Variants in NHSL2 observed in about 807,000 individuals in gnomAD.
NHSL2 encodes NHS-like protein 2.
NHSL2 carries 27 observed loss-of-function variants against 53.4 expected under a neutral mutation model. That is an observed-to-expected ratio of 0.51 (90% CI 0.37 to 0.70). NHSL2 has a LOEUF of 0.70. Among genes scored for constraint, NHSL2 ranks in the 30% least tolerant of loss-of-function variants. NHSL2 has a pLI of 0.00. For missense variants in NHSL2, 892 were observed against 980.1 expected, an observed-to-expected ratio of 0.91 and a Z score of 1.20; for synonymous variants, 408 against 404.1, an observed-to-expected ratio of 1.01 and a Z score of -0.12.
chrX:72,130,807 T>C (rs777799126), intron 1 of NHSL2: 12 of 1,211,679 alleles, frequency 9.9e-6, no homozygotes, highest in Non-Finnish European at 1.3e-5. Context: ...GTGGCCCTGC[T>C]TGAGCTTGCG....
At chrX:71,979,787 T>G (rs922955741) in intron 1 of NHSL2, among the ~76,000 whole-genome samples, 14 of 111,618 alleles carry the variant, frequency 1.3e-4, no homozygotes, top group Admixed American at 1.9e-4. Context: ...TTGTCAATTT[T>G]GGCTTTTGTT....
At chrX:71,971,280 CT>C (rs2041923895) in intron 1 of NHSL2, among the ~76,000 whole-genome samples, 1 of 111,919 alleles carries the variant, frequency 8.9e-6, no homozygotes, top group Non-Finnish European at 1.9e-5. Context: ...GACACAGAAA[CT>C]TTATTTTTAT....
rs745579559 is a variant in NHSL2, at chrX:72,110,076, A to C, written c.281-22003A>C. Among the ~76,000 whole-genome samples, 355 of 111,467 alleles carry C rather than the reference A, an allele frequency of 3.2e-3. 3 individuals are homozygous for C. Among genetic ancestry groups the C allele is most frequent in the African/African-American group, 0.011 (346 of 30,599 alleles). On this transcript the variant is annotated intron_variant, in intron 1 of 7. Coordinates refer to ENST00000633930, the MANE Select transcript of NHSL2 (RefSeq NM_001013627.3). ...AAGGATGCCGGGAACAGAGGGGTGA[A>C]GTGCTTTTCTCTGGTCCCATATTTT...
intron 1 of NHSL2, among the ~76,000 whole-genome samples, chrX:71,951,417 G>A (rs1430612964): frequency 8.9e-6 from 1 of 111,979 alleles, no homozygotes; most frequent in Non-Finnish European, 1.9e-5. Context: ...GTAATCCTGT[G>A]TTTAATTTTT....
In NHSL2 at chrX:71,935,172, G is replaced by A. The variant is rs371920505; in HGVS notation, c.280+23805G>A. On this transcript the variant is annotated intron_variant, in intron 1 of 7. Transcript: ENST00000633930. ...CCTTCAGGGTCTCTTACATGGTCCT[G>A]TCACTATTTTTGTTTCTTATACAAA... 2.7e-5 allele frequency among the ~76,000 whole-genome samples: 3 copies of A among 111,762 alleles called. No homozygotes were observed. The East Asian group carries it at 8.4e-4, about 31-fold the overall frequency.
chrX:72,011,687 G>A (rs2042116784), intron 1 of NHSL2, among the ~76,000 whole-genome samples: 2 of 111,116 alleles, frequency 1.8e-5, no homozygotes, highest in Non-Finnish European at 3.8e-5. Flanking sequence ...AAACAAAACT[G>A]GCAAACTGTT....
chrX:72,141,008 T>A, intron 6 of NHSL2: 1 of 327,630 alleles, frequency 3.1e-6, no homozygotes, highest in Non-Finnish European at 5.5e-6. Flanking sequence ...CACTCTCCCC[T>A]CTAAATCTCT....
At chrX:71,965,445 T>C (rs763172336) in intron 1 of NHSL2, among the ~76,000 whole-genome samples, 1 of 112,660 alleles carries the variant, frequency 8.9e-6, no homozygotes, top group East Asian at 2.8e-4. Context: ...TTTCTGTGCC[T>C]TTTATTCTGT....
At chrX:72,140,824 G>A in intron 6 of NHSL2, 53 bp downstream of exon 6, 1 of 984,410 alleles carries the variant, frequency 1.0e-6, no homozygotes, top group Non-Finnish European at 1.4e-6. Flanking sequence ...AGATGAGGGT[G>A]AGAATGGAGT....
intron 1 of NHSL2, among the ~76,000 whole-genome samples, chrX:71,995,842 T>A (rs183482513): frequency 1.6e-4 from 18 of 112,507 alleles, no homozygotes; most frequent in Admixed American, 1.6e-3. Flanking sequence ...TTTTGTCTGT[T>A]TTCCCCTGTG....
At chrX:72,074,433 T>C (rs2041724580) in intron 1 of NHSL2, among the ~76,000 whole-genome samples, 1 of 111,885 alleles carries the variant, frequency 8.9e-6, no homozygotes, top group Non-Finnish European at 1.9e-5. Context: ...ATGAGTCCAT[T>C]GGAAGGTATG....
Position 72,140,237 on chromosome X carries a change from C to G in NHSL2, c.2689C>G (p.Leu897Val). 1 of 1,210,137 alleles carries G rather than the reference C, an allele frequency of 8.3e-7. No individual in the cohort carries two copies. Among genetic ancestry groups the G allele is most frequent in the Non-Finnish European group, 1.1e-6 (1 of 894,852 alleles). The stretch of plus-strand genomic sequence containing the variant: ...ACCATCTGTTCCTGAGGAGTATGCA[C>G]TAACTTCACCAACCTTGGCTATGCC... ...KPPSVPEEYA[L>V]TSPTLAMPPR... The change falls in exon 6 of 8, where the codon CTA becomes GTA. Residue 897 changes from leucine to valine, a missense_variant. Physicochemically the swap from Leu to Val is conservative, Grantham distance 32. Transcript: ENST00000633930.
intron 1 of NHSL2, among the ~76,000 whole-genome samples, chrX:72,066,977 T>C (rs924935982): frequency 1.8e-5 from 2 of 110,306 alleles, no homozygotes; most frequent in African/African-American, 6.6e-5. Context: ...AAAAAATAAA[T>C]AAATAAATAA....
At position 72,044,472 on chromosome X, in the gene NHSL2, G is replaced by A. The variant is rs886216838; in HGVS notation, c.281-87607G>A. 4 of 466,761 alleles carry A rather than the reference G, an allele frequency of 8.6e-6. No individual in the cohort carries two copies. The African/African-American group carries it at 9.7e-5, about 11-fold the overall frequency. 38.5% of individuals were successfully genotyped at this position (466,761 alleles called of 1,213,427 possible). ...CCCCCATTCCTCTACATTCCTGGATGGTTTGGGATCCCACAGAACTCTAAT... is the reference window on the plus strand; with the variant it reads ...CCCCCATTCCTCTACATTCCTGGATAGTTTGGGATCCCACAGAACTCTAAT... On this transcript the variant is annotated intron_variant, in intron 1 of 7. Transcript: ENST00000633930.
At chrX:72,039,256 T>A (rs779665527) in intron 1 of NHSL2, among the ~76,000 whole-genome samples, 2 of 110,729 alleles carry the variant, frequency 1.8e-5, no homozygotes, top group South Asian at 7.6e-4. Context: ...ATTTGCGGCT[T>A]GTGTCTGAAC....
chrX:71,926,651 T>C (rs2041687195), intron 1 of NHSL2, among the ~76,000 whole-genome samples: 1 of 110,980 alleles, frequency 9.0e-6, no homozygotes, highest in Non-Finnish European at 1.9e-5. Flanking sequence ...CATACACCAA[T>C]GTCTGGGCTT....
At chrX:71,922,603 A>C in intron 1 of NHSL2, among the ~76,000 whole-genome samples, 1 of 112,200 alleles carries the variant, frequency 8.9e-6, no homozygotes, top group Middle Eastern at 4.6e-3. Flanking sequence ...CTTGAGCCCA[A>C]GAGTTCAAGG....
chrX:72,029,265 G>T (rs1306269065), intron 1 of NHSL2, among the ~76,000 whole-genome samples: 1 of 110,999 alleles, frequency 9.0e-6, no homozygotes, highest in Non-Finnish European at 1.9e-5. Flanking sequence ...TGTGTACTCT[G>T]CTCTCACCCT....
intron 1 of NHSL2, among the ~76,000 whole-genome samples, chrX:71,964,636 A>T (rs55705032): frequency 0.017 from 1,921 of 111,429 alleles, 24 homozygotes; most frequent in South Asian, 0.053. Context: ...AGTATTTGAG[A>T]TTTGTTCTGA....
Sources: gnomAD v4.1 joint callset for allele counts (sites outside exome capture counted in the v4.1 genomes callset) on GRCh38, gnomAD v4.1.1 for gene constraint, MANE v1.5 for transcripts, NCBI Gene and HGNC (gene_info 2026-07-23, HGNC 2026-07-21) for gene names.